Variants in WNT2 observed in about 807,000 individuals in gnomAD.
WNT2 encodes protein Wnt-2.
Under a neutral mutation model 36.9 loss-of-function variants are expected in WNT2, and 12 were observed. That is an observed-to-expected ratio of 0.33 (90% CI 0.21 to 0.53). The LOEUF (loss-of-function observed/expected upper bound fraction) is 0.53. WNT2 is among the 20% of genes least tolerant of loss of function. The probability of loss-of-function intolerance (pLI) is 0.95; values close to 1 mark genes in which losing one functional copy is unlikely to be tolerated. For synonymous variants in WNT2, 163 were observed against 174.6 expected, an observed-to-expected ratio of 0.93 and a Z score of 0.52; for missense variants, 379 against 473.1, an observed-to-expected ratio of 0.80 and a Z score of 1.84.
intron 3 of WNT2, chr7:117,300,878 C>G (rs1794891389): frequency 6.6e-6 from 1 of 152,248 alleles, no homozygotes; most frequent in African/African-American, 2.4e-5. Flanking sequence ...GTTTCTGCAG[C>G]AGCCTCTCTG....
Position 117,315,230 on chromosome 7 carries a change from T to C in WNT2, c.429A>G (p.Gly143=). The change falls in exon 3 of 5, where the codon GGA becomes GGG. Residue 143 remains glycine (G), a synonymous_variant. Transcript: ENST00000265441. ...KSCSCDPKKM[G]SAKDSKGIFD... ...AAATGCCTTTGCTGTCCTTGGCGCTTCCCATCTTCTTTGGATCACAGGAAC... is the reference window on the plus strand; with the variant it reads ...AAATGCCTTTGCTGTCCTTGGCGCTCCCCATCTTCTTTGGATCACAGGAAC... 6.2e-7 allele frequency: 1 copy of C among 1,614,216 alleles called. No individual in the cohort carries two copies. Among genetic ancestry groups the C allele is most frequent in the East Asian group, 2.2e-5 (1 of 44,884 alleles).
chr7:117,302,234 A>C (rs1474509476), intron 3 of WNT2, among the ~76,000 whole-genome samples: 3 of 152,236 alleles, frequency 2.0e-5, no homozygotes, highest in Non-Finnish European at 4.4e-5. Context: ...TTAAAAATTT[A>C]TTAGACAATT....
Position 117,297,716 on chromosome 7 carries a change from C to T in WNT2, c.749G>A (p.Gly250Asp). ...CTCGTTAGCCACAGTGAAACCTGTG[C>T]CATCCTGGTTCATGACCACCTGGAT... ...GAIQVVMNQD[G>D]TGFTVANERF... Residue 250 changes from glycine to aspartate, a missense_variant, in exon 4 of 5, where the codon GGC becomes GAC. Physicochemically the swap from Gly to Asp is moderately conservative, Grantham distance 94. Transcript: ENST00000265441. The T allele has an allele frequency of 6.2e-7, 1 of 1,614,172 alleles. No individual in the cohort carries two copies. Among genetic ancestry groups the T allele is most frequent in the Non-Finnish European group, 8.5e-7 (1 of 1,180,032 alleles).
intron 4 of WNT2, among the ~76,000 whole-genome samples, chr7:117,292,762 CTT>C (rs1794713944): frequency 6.6e-6 from 1 of 152,094 alleles, no homozygotes; most frequent in Non-Finnish European, 1.5e-5. Context: ...GAATGACTCT[CTT>C]ATACTGGGCA....
chr7:117,301,833 G>A (rs1229888535), intron 3 of WNT2, among the ~76,000 whole-genome samples: 1 of 127,074 alleles, frequency 7.9e-6, no homozygotes, highest in African/African-American at 3.1e-5. Flanking sequence ...TTGAGACAGA[G>A]TCTTGCTCTT....
At chr7:117,312,339 A>G (rs1359620341) in intron 3 of WNT2, among the ~76,000 whole-genome samples, 2 of 152,104 alleles carry the variant, frequency 1.3e-5, no homozygotes, top group Non-Finnish European at 2.9e-5. Context: ...GAACTGCCAC[A>G]CCTGGCTAAT....
chr7:117,294,196 G>A (rs1794745262), intron 4 of WNT2, among the ~76,000 whole-genome samples: 1 of 152,160 alleles, frequency 6.6e-6, no homozygotes, highest in South Asian at 2.1e-4. Context: ...ACTGTGCCTG[G>A]CCAAGCCTCA....
At position 117,322,852 on chromosome 7, in the gene WNT2, A is replaced by G. The variant is rs1265686967; in HGVS notation, c.83+55T>C. On this transcript the variant is annotated intron_variant, in intron 1 of 4. Coordinates refer to ENST00000265441, the MANE Select transcript of WNT2 (RefSeq NM_003391.3). This position sits in a 1 kb window ranked among gnomAD's most constrained non-coding sequence, Gnocchi z 5.4. ...CAGCCAGGAAGGGTCTATGTGGCCAATGCGGTCCCCATTCCGATCTCCAAA... is the reference window on the plus strand; with the variant it reads ...CAGCCAGGAAGGGTCTATGTGGCCAGTGCGGTCCCCATTCCGATCTCCAAA... 1.3e-6 allele frequency: 2 copies of G among 1,577,380 alleles called. No homozygotes were observed. The highest frequency in any genetic ancestry group is 2.2e-5 in the South Asian group (2 of 90,310).
At chr7:117,289,702 G>A (rs1280906678) in intron 4 of WNT2, among the ~76,000 whole-genome samples, 3 of 152,184 alleles carry the variant, frequency 2.0e-5, no homozygotes, top group Admixed American at 2.0e-4. Flanking sequence ...AGTGAGCAAG[G>A]CAGATACAGT....
intron 4 of WNT2, among the ~76,000 whole-genome samples, chr7:117,291,605 CACA>C (rs1414738737): frequency 1.3e-5 from 2 of 152,190 alleles, no homozygotes; most frequent in Admixed American, 1.3e-4. Flanking sequence ...ATGTCACATG[CACA>C]ACATCACACG....
In WNT2 at chr7:117,278,017, G is replaced by A. The variant is rs1199026784; in HGVS notation, c.*138C>T. The A allele has an allele frequency of 6.2e-6, 6 of 967,178 alleles. No homozygotes were observed. Among genetic ancestry groups the A allele is most frequent in the African/African-American group, 1.6e-5 (1 of 60,764 alleles). 59.9% of individuals were successfully genotyped at this position (967,178 alleles called of 1,614,324 possible). ...CCCCCCATCCTGGGGCCCCCAGGGA[G>A]GAAGAGGGGGCTTCCGTTGAGATAA... On this transcript the variant is annotated 3_prime_UTR_variant, in exon 5 of 5. Coordinates refer to ENST00000265441, the MANE Select transcript of WNT2 (RefSeq NM_003391.3).
In WNT2 at chr7:117,296,900, G is replaced by A. The variant is rs114019644; in HGVS notation, c.853+712C>T. Among the ~76,000 whole-genome samples, 561 of 152,248 alleles carry A rather than the reference G, an allele frequency of 3.7e-3. 4 individuals are homozygous for A. Among genetic ancestry groups the A allele is most frequent in the African/African-American group, 0.012 (517 of 41,542 alleles). Reference sequence around the variant, plus strand: ...GATACATTCTTGCTTTTTATCTTTGGCAATTTCTAAGCATATTGAAAAGAG... The same window carrying A: ...GATACATTCTTGCTTTTTATCTTTGACAATTTCTAAGCATATTGAAAAGAG... On this transcript the variant is annotated intron_variant, in intron 4 of 4. Transcript: ENST00000265441.
intron 1 of WNT2, among the ~76,000 whole-genome samples, chr7:117,321,033 G>A (rs977562448): frequency 1.3e-5 from 2 of 152,232 alleles, no homozygotes; most frequent in African/African-American, 4.8e-5. Flanking sequence ...CTGTCTGTTG[G>A]ACATGAAGCT....
chr7:117,288,335 G>T (rs1241752550), intron 4 of WNT2, among the ~76,000 whole-genome samples: 3 of 152,194 alleles, frequency 2.0e-5, no homozygotes, highest in East Asian at 1.9e-4. Flanking sequence ...GAGACCCAGA[G>T]AAGTTAATTT....
At position 117,275,901 on chromosome 7, in the gene WNT2, T is replaced by G. The variant is rs1270526869; in HGVS notation, c.*2254A>C. ...TTCCTACGTGGATATCCTTGTCCCC[T>G]TGCTACTTACCAGGAGGGATATATC... On this transcript the variant is annotated 3_prime_UTR_variant, in exon 5 of 5. Transcript: ENST00000265441. 6.6e-6 allele frequency among the ~76,000 whole-genome samples: 1 copy of G among 152,226 alleles called. No homozygotes were observed. Among genetic ancestry groups the G allele is most frequent in the African/African-American group, 2.4e-5 (1 of 41,448 alleles).
At chr7:117,301,943 G>A (rs557214551) in intron 3 of WNT2, among the ~76,000 whole-genome samples, 13 of 151,792 alleles carry the variant, frequency 8.6e-5, no homozygotes, top group Non-Finnish European at 1.2e-4. Context: ...GAGTAGCTGG[G>A]ATTACAGGTG....
At chr7:117,297,394 TC>T (rs1794812270) in intron 4 of WNT2, among the ~76,000 whole-genome samples, 1 of 152,070 alleles carries the variant, frequency 6.6e-6, no homozygotes, top group South Asian at 2.1e-4. Flanking sequence ...TTTCTTGAAC[TC>T]CTGAGCTCAA....
intron 3 of WNT2, among the ~76,000 whole-genome samples, chr7:117,304,322 A>G (rs746562771): frequency 1.3e-5 from 2 of 151,954 alleles, no homozygotes; most frequent in Non-Finnish European, 2.9e-5. Context: ...TTTTTCCCCT[A>G]TGAAAGCTCC....
chr7:117,301,401 G>A (rs148492185), intron 3 of WNT2, among the ~76,000 whole-genome samples: 5 of 152,276 alleles, frequency 3.3e-5, no homozygotes, highest in African/African-American at 9.6e-5. Context: ...AGTAACTGAG[G>A]TGAGAGTAAG....
Sources: gnomAD v4.1 joint callset for allele counts (sites outside exome capture counted in the v4.1 genomes callset) on GRCh38, gnomAD v4.1.1 for gene constraint, Gnocchi (gnomAD v3.1) non-coding constraint, MANE v1.5 for transcripts, NCBI Gene and HGNC (gene_info 2026-07-23, HGNC 2026-07-21) for gene names.